Variants in OTUD7A observed in about 807,000 individuals in gnomAD.
OTUD7A encodes OTU deubiquitinase 7A.
A neutral mutation model predicts 65.7 loss-of-function variants in OTUD7A; 12 were observed. The observed-to-expected ratio is 0.18, with a 90% confidence interval of 0.12 to 0.30. OTUD7A has a LOEUF of 0.30. Ranked by LOEUF, OTUD7A falls within the 10% of genes least tolerant of loss-of-function variation. The pLI is 1.00. For missense variants in OTUD7A, 1,148 were observed against 1,304.8 expected (o/e 0.88, Z 1.85); for synonymous variants, 641 against 586.3 (o/e 1.09, Z -1.35).
intron 3 of OTUD7A, among the ~76,000 whole-genome samples, chr15:31,573,659 G>T (rs1247419176): frequency 6.6e-6 from 1 of 152,210 alleles, no homozygotes; most frequent in Non-Finnish European, 1.5e-5. Flanking sequence ...CCAGTACTTT[G>T]GGAGGCCAAA....
intron 1 of OTUD7A, among the ~76,000 whole-genome samples, chr15:31,847,952 G>C (rs1897327438): frequency 6.6e-6 from 1 of 152,202 alleles, no homozygotes; most frequent in Non-Finnish European, 1.5e-5. Context: ...CATGAGAACA[G>C]CAAGAGGGAA....
intron 3 of OTUD7A, among the ~76,000 whole-genome samples, chr15:31,644,244 C>G (rs1891601003): frequency 6.6e-6 from 1 of 152,186 alleles, no homozygotes; most frequent in Admixed American, 6.5e-5. Context: ...TTGCATTTCA[C>G]TGCTGAATGG....
intron 3 of OTUD7A, 38 bp from the exon 4 acceptor site, chr15:31,570,235 G>A (rs538310012): frequency 5.6e-5 from 90 of 1,598,856 alleles, no homozygotes; most frequent in Non-Finnish European, 7.5e-5. Context: ...CAATACGAAC[G>A]CATGAATAAC....
chr15:31,484,266 C>T lies in OTUD7A; in HGVS notation c.1830G>A (p.Lys610=), dbSNP rs77376353. 15,810 of 1,594,894 alleles carry T rather than the reference C, an allele frequency of 9.9e-3. 1,348 individuals are homozygous for T. In the African/African-American group the frequency reaches 0.19, roughly 19 times the overall value. The part of the protein sequence containing the change: ...DKAAGASPAE[K]GGGPRGDAWK... ...AGGCGTCGCCCCGCGGCCCACCGCCCTTCTCCGCCGGCGACGCGCCCGCTG... is the reference window on the plus strand; with the variant it reads ...AGGCGTCGCCCCGCGGCCCACCGCCTTTCTCCGCCGGCGACGCGCCCGCTG... Residue 610 remains lysine (K), a synonymous_variant, in exon 13 of 13, where the codon AAG becomes AAA. Transcript: ENST00000307050. The surrounding 1 kb of genome is among the most constrained non-coding windows in gnomAD (Gnocchi z 4.5).
chr15:31,859,344 C>A (rs1034752044), intron 1 of OTUD7A, among the ~76,000 whole-genome samples: 1 of 152,154 alleles, frequency 6.6e-6, no homozygotes, highest in Non-Finnish European at 1.5e-5. Flanking sequence ...GGTAAAAACA[C>A]TTCAACTCTA....
chr15:31,490,924 A>G (rs1213537853), intron 10 of OTUD7A, among the ~76,000 whole-genome samples: 1 of 152,186 alleles, frequency 6.6e-6, no homozygotes, highest in African/African-American at 2.4e-5. Flanking sequence ...TTAGGCAGGC[A>G]CTGTATCCCT....
chr15:31,694,295 C>T (rs1326965112), intron 1 of OTUD7A, among the ~76,000 whole-genome samples: 3 of 152,154 alleles, frequency 2.0e-5, no homozygotes, highest in African/African-American at 2.4e-5. Context: ...GGGCTCTTAC[C>T]GCTCTCCTTG....
intron 1 of OTUD7A, among the ~76,000 whole-genome samples, chr15:31,665,697 G>A (rs1892299761): frequency 6.6e-6 from 1 of 152,156 alleles, no homozygotes. Context: ...GTACTATGTT[G>A]AAGAGGAGTG....
intron 3 of OTUD7A, among the ~76,000 whole-genome samples, chr15:31,613,286 T>A (rs1301247486): frequency 6.6e-6 from 1 of 152,128 alleles, no homozygotes; most frequent in East Asian, 1.9e-4. Flanking sequence ...AAAACAAAGA[T>A]AAATAGCTGG....
rs758880132 is a variant in OTUD7A, at chr15:31,530,806, G to A, written c.553C>T (p.Arg185Cys). ...CACACAGTGGACCACCAGTTCAGGC[G>A]ACCTGGAAAAGAAGCTCACTTTAGA... ...ATMVALEQAGRLNWWSTVCTS... is the reference protein window; with the variant it reads ...ATMVALEQAGCLNWWSTVCTS... The change falls in exon 6 of 13, where the codon CGC (arginine) becomes TGC (cysteine). Residue 185 changes from arginine (R) to cysteine (C), a missense_variant and splice_region_variant. This residue lies in a region of OTUD7A where 134 missense variants were observed against 252.6 expected (regional missense o/e 0.53). Transcript: ENST00000307050. The A allele has an allele frequency of 1.3e-4, 210 of 1,613,404 alleles. 1 individual carries two copies. The South Asian group carries it at 1.9e-3, about 14-fold the overall frequency.
intron 8 of OTUD7A, among the ~76,000 whole-genome samples, chr15:31,522,888 C>G (rs2041956890): frequency 6.6e-6 from 1 of 152,190 alleles, no homozygotes; most frequent in Non-Finnish European, 1.5e-5. Context: ...TGACTCCAGG[C>G]CATCATCTGT....
intron 1 of OTUD7A, among the ~76,000 whole-genome samples, chr15:31,791,475 T>C (rs1895813953): frequency 6.6e-6 from 1 of 152,166 alleles, no homozygotes; most frequent in Admixed American, 6.5e-5. Flanking sequence ...TGTCCCTCTT[T>C]TGAGTAGGAG....
chr15:31,768,685 T>C (rs1380124142), intron 1 of OTUD7A, among the ~76,000 whole-genome samples: 1 of 150,516 alleles, frequency 6.6e-6, no homozygotes, highest in East Asian at 1.9e-4. Flanking sequence ...ATAACACTGG[T>C]GGCACTTTCG....
At chr15:31,536,279 C>T (rs1372896567) in intron 5 of OTUD7A, among the ~76,000 whole-genome samples, 1 of 152,212 alleles carries the variant, frequency 6.6e-6, no homozygotes, top group African/African-American at 2.4e-5. Flanking sequence ...GCAGGTGACA[C>T]AAATGTCATC....
In OTUD7A at chr15:31,487,647, T is replaced by TA; in HGVS notation, c.1172-82_1172-81insT. Reference sequence around the variant, plus strand: ...GGCAAGGAAATTCCCAAGCCAGGTATCTGGGTGACAAATGCACCGAGTGGA... The same window carrying TA: ...GGCAAGGAAATTCCCAAGCCAGGTATACTGGGTGACAAATGCACCGAGTGGA... On this transcript the variant is annotated intron_variant, in intron 10 of 12. Coordinates refer to ENST00000307050, the MANE Select transcript of OTUD7A (RefSeq NM_001382637.1). This position sits in a 1 kb window ranked among gnomAD's most constrained non-coding sequence, Gnocchi z 6.0. The TA allele has an allele frequency of 1.8e-6, 2 of 1,140,786 alleles. No individual in the cohort carries two copies. The highest frequency in any genetic ancestry group is 2.5e-6 in the Non-Finnish European group (2 of 800,552). The allele number at this position is 1,140,786 out of a possible 1,614,324, so 70.7% of individuals were successfully genotyped here.
chr15:31,549,013 A>G (rs1361347106), intron 5 of OTUD7A, among the ~76,000 whole-genome samples: 2 of 151,974 alleles, frequency 1.3e-5, no homozygotes, highest in Admixed American at 6.5e-5. Context: ...GTGCATGCCT[A>G]TAATTCCAGC....
chr15:31,628,012 G>A (rs1350566053), intron 3 of OTUD7A, among the ~76,000 whole-genome samples: 5 of 152,166 alleles, frequency 3.3e-5, no homozygotes, highest in African/African-American at 1.2e-4. Flanking sequence ...AGATGAGTAG[G>A]TTGCAAAAAT....
At chr15:31,840,056 A>T (rs1446731214) in intron 1 of OTUD7A, among the ~76,000 whole-genome samples, 10 of 152,176 alleles carry the variant, frequency 6.6e-5, no homozygotes, top group Admixed American at 5.9e-4. Flanking sequence ...ACCTACAATG[A>T]CTAGCAATCC....
chr15:31,542,760 T>C (rs1307877626), intron 5 of OTUD7A, among the ~76,000 whole-genome samples: 1 of 151,474 alleles, frequency 6.6e-6, no homozygotes, highest in African/African-American at 2.4e-5. Flanking sequence ...AAAAACCAGA[T>C]TATCTTCAAA....
Sources: allele counts gnomAD v4.1 joint callset (sites outside exome capture counted in the v4.1 genomes callset), GRCh38; gene constraint gnomAD v4.1.1; regional missense constraint gnomAD v4.1.1; non-coding constraint Gnocchi (gnomAD v3.1); transcripts MANE v1.5; gene names NCBI Gene and HGNC (gene_info 2026-07-23, HGNC 2026-07-21).